Variants in FGF12 observed in about 807,000 individuals in gnomAD.
FGF12 encodes the protein fibroblast growth factor 12B.
A neutral mutation model predicts 23.6 loss-of-function variants in FGF12; 14 were observed. The observed-to-expected ratio is 0.59, with a 90% CI of 0.39 to 0.93. The LOEUF (loss-of-function observed/expected upper bound fraction) is 0.93. Ranked by LOEUF, FGF12 falls within the 40% of genes least tolerant of loss-of-function variation. The pLI is 0.00. For synonymous variants in FGF12, 62 were observed against 77.3 expected, an observed-to-expected ratio of 0.80 and a Z score of 1.04; for missense variants, 175 against 217.8, an observed-to-expected ratio of 0.80 and a Z score of 1.24.
intron 2 of FGF12, among the ~76,000 whole-genome samples, chr3:192,646,826 A>G (rs1238311997): frequency 2.0e-5 from 3 of 152,156 alleles, no homozygotes; most frequent in Non-Finnish European, 2.9e-5. Flanking sequence ...ACTGAAAACC[A>G]GTACGTTGTA....
At chr3:192,232,494 G>T (rs1207118139) in intron 4 of FGF12, among the ~76,000 whole-genome samples, 1 of 146,302 alleles carries the variant, frequency 6.8e-6, no homozygotes, top group African/African-American at 2.6e-5. Context: ...ATTAATCAAT[G>T]GTGGGCTCCC....
chr3:192,389,028 C>G (rs113252549), intron 2 of FGF12, among the ~76,000 whole-genome samples: 5 of 152,100 alleles, frequency 3.3e-5, no homozygotes, highest in African/African-American at 4.8e-5. Context: ...ACTCTTACAA[C>G]GAAACATAAT....
rs144219940 is a variant in FGF12 at position 192,601,034 on chromosome 3, T to C, written c.13+126147A>G. Among the ~76,000 whole-genome samples the C allele has an allele frequency of 2.5e-3, 384 of 152,140 alleles. 10 individuals are homozygous for C. The East Asian group carries it at 0.057, about 23-fold the overall frequency. ...GCAGTACTATTCACAATAGCCAAAA[T>C]ATGGAGTCAATCTAGGTGTCCAACA... On this transcript the variant is annotated intron_variant, in intron 2 of 5. Transcript: ENST00000445105.
chr3:192,234,708 C>CT (rs1198062431), intron 4 of FGF12, among the ~76,000 whole-genome samples: 1 of 151,994 alleles, frequency 6.6e-6, no homozygotes, highest in East Asian at 1.9e-4. Flanking sequence ...GAGGTATGGT[C>CT]TTTCAATGGT....
At chr3:192,269,791 C>A (rs1221738043) in intron 4 of FGF12, among the ~76,000 whole-genome samples, 1 of 152,124 alleles carries the variant, frequency 6.6e-6, no homozygotes, top group East Asian at 1.9e-4. Flanking sequence ...TTGTTTCCAT[C>A]TTTTACTATT....
intron 4 of FGF12, among the ~76,000 whole-genome samples, chr3:192,273,225 T>G (rs1713560163): frequency 6.6e-6 from 1 of 152,214 alleles, no homozygotes; most frequent in Non-Finnish European, 1.5e-5. Flanking sequence ...TTCAAACATC[T>G]GCACTAAGCA....
intron 5 of FGF12, among the ~76,000 whole-genome samples, chr3:192,169,396 T>C (rs1386402131): frequency 6.6e-6 from 1 of 152,162 alleles, no homozygotes; most frequent in African/African-American, 2.4e-5. Flanking sequence ...GTTCATTTCA[T>C]GTGCTGAATA....
chr3:192,587,832 C>T lies in FGF12; in HGVS notation c.13+139349G>A, dbSNP rs564999800. ...GAGACCCTCTTTCTCATCATATATACGTAATCTCTCTCAAATCTGAAAATG... is the reference window on the plus strand; with the variant it reads ...GAGACCCTCTTTCTCATCATATATATGTAATCTCTCTCAAATCTGAAAATG... On this transcript the variant is annotated intron_variant, in intron 2 of 5. Transcript: ENST00000445105. Among the ~76,000 whole-genome samples the T allele has an allele frequency of 3.3e-5, 5 of 151,822 alleles. 1 individual carries two copies. The highest frequency in any genetic ancestry group is 3.4e-3 in the Middle Eastern group (1 of 294).
intron 2 of FGF12, among the ~76,000 whole-genome samples, chr3:192,713,108 T>C (rs1718749328): frequency 6.7e-6 from 1 of 149,070 alleles, no homozygotes; most frequent in Non-Finnish European, 1.5e-5. Flanking sequence ...ACAAAAGTAA[T>C]CATAGTTTAA....
chr3:192,671,776 A>AACACAC (rs3044660), intron 2 of FGF12, among the ~76,000 whole-genome samples: 3 of 149,474 alleles, frequency 2.0e-5, no homozygotes, highest in East Asian at 2.0e-4. Flanking sequence ...CTTCTTGACC[A>AACACAC]ACACACACAC....
intron 4 of FGF12, among the ~76,000 whole-genome samples, chr3:192,197,793 A>G (rs1717149015): frequency 6.6e-6 from 1 of 152,054 alleles, no homozygotes; most frequent in Non-Finnish European, 1.5e-5. Context: ...AAAAAAATAC[A>G]AAGTTAGCCG....
chr3:192,706,515 T>C (rs1718477152), intron 2 of FGF12, among the ~76,000 whole-genome samples: 1 of 152,054 alleles, frequency 6.6e-6, no homozygotes, highest in Admixed American at 6.5e-5. Context: ...TCCTCTCCAA[T>C]TTACTCATCT....
chr3:192,661,527 T>A (rs1365353828), intron 2 of FGF12, among the ~76,000 whole-genome samples: 2 of 152,040 alleles, frequency 1.3e-5, no homozygotes, highest in Admixed American at 6.6e-5. Flanking sequence ...TCGGTCTCAG[T>A]AAAAATTAAA....
At chr3:192,582,590 A>G (rs1713200494) in intron 2 of FGF12, among the ~76,000 whole-genome samples, 1 of 152,208 alleles carries the variant, frequency 6.6e-6, no homozygotes, top group African/African-American at 2.4e-5. Context: ...GTCAGGAGCT[A>G]AACTGACTTG....
chr3:192,353,720 A>G (rs1718333905), intron 3 of FGF12, among the ~76,000 whole-genome samples: 1 of 152,182 alleles, frequency 6.6e-6, no homozygotes, highest in Non-Finnish European at 1.5e-5. Flanking sequence ...GAAGAAAGTG[A>G]GGAGCCAAGG....
At chr3:192,481,302 T>C (rs1723472722) in intron 2 of FGF12, among the ~76,000 whole-genome samples, 1 of 152,016 alleles carries the variant, frequency 6.6e-6, no homozygotes, top group Non-Finnish European at 1.5e-5. Context: ...GCTTGGATGG[T>C]TTAAAAAAAT....
chr3:192,368,089 C>T (rs1320778047), intron 2 of FGF12, among the ~76,000 whole-genome samples: 1 of 152,066 alleles, frequency 6.6e-6, no homozygotes, highest in Non-Finnish European at 1.5e-5. Context: ...AATCAACTCT[C>T]CCCCACCTCC....
At chr3:192,711,308 C>T (rs1026442010) in intron 2 of FGF12, among the ~76,000 whole-genome samples, 7 of 137,574 alleles carry the variant, frequency 5.1e-5, no homozygotes, top group Non-Finnish European at 7.6e-5. Context: ...CCCACCCAGC[C>T]AGCCGCCCCA....
intron 2 of FGF12, among the ~76,000 whole-genome samples, chr3:192,697,016 G>C (rs896366265): frequency 8.6e-5 from 13 of 152,002 alleles, no homozygotes; most frequent in African/African-American, 3.1e-4. Context: ...CTACCCTGAA[G>C]ATCTGAACTT....
Sources: gnomAD v4.1 joint callset for allele counts (sites outside exome capture counted in the v4.1 genomes callset) on GRCh38, gnomAD v4.1.1 for gene constraint, MANE v1.5 for transcripts, NCBI Gene and HGNC (gene_info 2026-07-23, HGNC 2026-07-21) for gene names.